The following ZNF462 variants were observed in gnomAD, a reference collection of about 807,000 sequenced individuals.
ZNF462 encodes zinc finger protein 462.
ZNF462 carries 10 observed loss-of-function variants against 201.9 expected under a neutral mutation model. The ratio of observed to expected loss-of-function variants is 0.05; its 90% CI spans 0.03 to 0.08. The LOEUF (loss-of-function observed/expected upper bound fraction) is 0.08. Among genes scored for constraint, ZNF462 ranks in the 10% least tolerant of loss-of-function variants. The pLI is 1.00. For synonymous variants in ZNF462, 1,227 were observed against 1,193.3 expected, an observed-to-expected ratio of 1.03 and a Z score of -0.58; for missense variants, 2,523 against 3,168.3, an observed-to-expected ratio of 0.80 and a Z score of 4.89.
chr9:106,981,995 G>A lies in ZNF462; in HGVS notation c.6833-2191G>A, dbSNP rs1245669649. Among the ~76,000 whole-genome samples, 1 of 152,188 alleles carries A rather than the reference G, an allele frequency of 6.6e-6. No individual in the cohort carries two copies. The highest frequency in any genetic ancestry group is 1.5e-5 in the Non-Finnish European group (1 of 68,028). ...ACTAAAATGTAGAGAGAGCAAGGGGGATGCAGTCCCAAGGAAGATGCCAGT... is the reference window on the plus strand; with the variant it reads ...ACTAAAATGTAGAGAGAGCAAGGGGAATGCAGTCCCAAGGAAGATGCCAGT... On this transcript the variant is annotated intron_variant, in intron 9 of 12. Transcript: ENST00000277225. This position sits in a 1 kb window ranked among gnomAD's most constrained non-coding sequence, Gnocchi z 4.0.
At chr9:106,862,600 T>A (rs909578162), upstream of ZNF462, among the ~76,000 whole-genome samples, 6 of 145,214 alleles carry the variant, frequency 4.1e-5, no homozygotes, top group African/African-American at 7.4e-5. The surrounding 1 kb of genome is among the most constrained non-coding windows in gnomAD (Gnocchi z 4.2). Context: ...CACCACCACC[T>A]CCTCCTCCTC....
chr9:106,864,084 C>G (rs1319054949), intron 1 of ZNF462, among the ~76,000 whole-genome samples: 1 of 138,536 alleles, frequency 7.2e-6, no homozygotes, highest in Non-Finnish European at 1.6e-5. Context: ...CTCTCTCTCT[C>G]TCTCTCTCTC....
upstream of ZNF462, chr9:106,863,157 A>T (rs1173345070): frequency 2.5e-6 from 1 of 398,860 alleles, no homozygotes; most frequent in African/African-American, 2.1e-5. Flanking sequence ...GGTCATCTGC[A>T]GCTGCAGCGA....
chr9:106,948,939 A>G (rs919903326), intron 7 of ZNF462, among the ~76,000 whole-genome samples: 2 of 152,170 alleles, frequency 1.3e-5, no homozygotes, highest in Admixed American at 6.5e-5. Context: ...TCAAAAATTC[A>G]TTAATTTTAT....
At chr9:106,983,910 T>G (rs1827631852) in intron 9 of ZNF462, among the ~76,000 whole-genome samples, 1 of 152,172 alleles carries the variant, frequency 6.6e-6, no homozygotes, top group African/African-American at 2.4e-5. Context: ...CATTCAGGAA[T>G]TAGCAAGCAC....
Position 106,923,720 on chromosome 9 carries a change from A to G in ZNF462, c.220+117A>G. On this transcript the variant is annotated intron_variant, in intron 2 of 12. Transcript: ENST00000277225. This position sits in a 1 kb window ranked among gnomAD's most constrained non-coding sequence, Gnocchi z 5.6. ...TTTGCAGAGTTTCTTGTGCTTTGCT[A>G]GCCATTTTTGTGGTTTGGGCATCAT... 9.4e-7 allele frequency: 1 copy of G among 1,062,868 alleles called. No individual in the cohort carries two copies. Among genetic ancestry groups the G allele is most frequent in the Non-Finnish European group, 1.4e-6 (1 of 736,704 alleles). 65.8% of individuals were successfully genotyped at this position (1,062,868 alleles called of 1,614,324 possible).
rs1213906484 is a variant in ZNF462 at position 106,886,649 on chromosome 9, A to G, written c.-31+23294A>G. 6.6e-6 allele frequency among the ~76,000 whole-genome samples: 1 copy of G among 152,186 alleles called. No individual in the cohort carries two copies. Among genetic ancestry groups the G allele is most frequent in the Non-Finnish European group, 1.5e-5 (1 of 68,046 alleles). The stretch of plus-strand genomic sequence containing the variant: ...GGAAATCATCCCACTTAACCCCTTC[A>G]TTTTACAGCTCTGGAAAGGCTGAAA... On this transcript the variant is annotated intron_variant, in intron 1 of 12. Transcript: ENST00000277225. The surrounding 1 kb of genome is among the most constrained non-coding windows in gnomAD (Gnocchi z 4.6).
chr9:106,863,609 GGAGGAGGAA>G (rs1273470466), intron 1 of ZNF462, among the ~76,000 whole-genome samples: 15 of 151,992 alleles, frequency 9.9e-5, no homozygotes, highest in Non-Finnish European at 1.6e-4. Flanking sequence ...AGGAAGAGGA[GGAGGAGGAA>G]GAGGAGGAGA....
At chr9:106,980,927 T>G (rs1395481362) in intron 9 of ZNF462, among the ~76,000 whole-genome samples, 1 of 152,212 alleles carries the variant, frequency 6.6e-6, no homozygotes, top group East Asian at 1.9e-4. Flanking sequence ...CAGAGCCCAG[T>G]CTATACCTGG....
rs191258272 is a variant in ZNF462 at position 106,991,528 on chromosome 9, A to G, written c.7056+7119A>G. The stretch of plus-strand genomic sequence containing the variant: ...TCCCAGTAGGCTTTTTGGGGGTAGA[A>G]AGTGACAAACTGGCCCTAAAATTTA... On this transcript the variant is annotated intron_variant, in intron 10 of 12. Transcript: ENST00000277225. Among the ~76,000 whole-genome samples the G allele has an allele frequency of 1.2e-3, 188 of 152,036 alleles. 2 individuals are homozygous for G. The highest frequency in any genetic ancestry group is 4.4e-3 in the African/African-American group (183 of 41,546).
rs755614092 is a variant in ZNF462 at position 106,929,183 on chromosome 9, C to T, written c.5271C>T (p.Ser1757=). 2.5e-5 allele frequency: 40 copies of T among 1,614,004 alleles called. No homozygotes were observed. The highest frequency in any genetic ancestry group is 3.2e-5 in the Non-Finnish European group (38 of 1,180,028). ...CCAAGGACGACTCCCCTCAGCTGAG[C>T]GAGGAACTCCGGCGGGCAGTGGAGA... ...SPPKDDSPQL[S]EELRRAVEKK... Residue 1757 remains serine, a synonymous_variant, in exon 3 of 13, where the codon AGC becomes AGT. Transcript: ENST00000277225. The surrounding 1 kb of genome is among the most constrained non-coding windows in gnomAD (Gnocchi z 8.7).
intron 1 of ZNF462, among the ~76,000 whole-genome samples, chr9:106,866,974 A>C (rs1041298961): frequency 2.0e-5 from 3 of 152,202 alleles, no homozygotes; most frequent in Admixed American, 2.0e-4. Flanking sequence ...GCAGGGGGGA[A>C]ACATCTGACA....
intron 1 of ZNF462, among the ~76,000 whole-genome samples, chr9:106,922,015 C>G (rs1435034400): frequency 3.9e-5 from 6 of 152,208 alleles, no homozygotes; most frequent in Non-Finnish European, 7.3e-5. Context: ...GTTATTTTAG[C>G]AGGCGATCAG....
At chr9:106,908,562 G>C (rs548058614) in intron 1 of ZNF462, among the ~76,000 whole-genome samples, 8 of 152,072 alleles carry the variant, frequency 5.3e-5, no homozygotes, top group African/African-American at 1.7e-4. Flanking sequence ...CTTACAGACA[G>C]AATCCAGTTA....
In ZNF462 at chr9:106,929,258, C is replaced by T. The variant is rs376882323; in HGVS notation, c.5346C>T (p.Ile1782=). The T allele has an allele frequency of 1.2e-5, 19 of 1,614,014 alleles. No individual in the cohort carries two copies. The highest frequency in any genetic ancestry group is 1.4e-5 in the Non-Finnish European group (17 of 1,180,020). The part of the protein sequence containing the change: ...CSFQSFSKKG[I]VSHYMKRHPG... ...TCCAGTCGTTCAGCAAGAAGGGCAT[C>T]GTGTCCCATTACATGAAACGCCACC... Residue 1782 remains isoleucine, a synonymous_variant, in exon 3 of 13, where the codon ATC becomes ATT. Coordinates refer to ENST00000277225, the MANE Select transcript of ZNF462 (RefSeq NM_021224.6). This position sits in a 1 kb window ranked among gnomAD's most constrained non-coding sequence, Gnocchi z 8.7.
intron 7 of ZNF462, among the ~76,000 whole-genome samples, chr9:106,953,490 TC>T (rs1179626351): frequency 6.6e-6 from 1 of 152,162 alleles, no homozygotes; most frequent in Non-Finnish European, 1.5e-5. Flanking sequence ...CTGACCTTCC[TC>T]CTGGGGAAAT....
At chr9:106,892,775 T>A (rs2131072087) in intron 1 of ZNF462, among the ~76,000 whole-genome samples, 1 of 152,232 alleles carries the variant, frequency 6.6e-6, no homozygotes, top group East Asian at 1.9e-4. Context: ...ATAGGCCTGT[T>A]TCCTCCGTCA....
In ZNF462 at chr9:107,008,979, T is replaced by C. The variant is rs1829757288; in HGVS notation, c.7190-566T>C. ...TTCTTCGCTTGCAGATCTCATTCAG[T>C]GCACATAACCGCCCTGTAAGGTATT... On this transcript the variant is annotated intron_variant, in intron 11 of 12. Coordinates refer to ENST00000277225, the MANE Select transcript of ZNF462 (RefSeq NM_021224.6). This position sits in a 1 kb window ranked among gnomAD's most constrained non-coding sequence, Gnocchi z 4.8. Among the ~76,000 whole-genome samples, 1 of 152,166 alleles carries C rather than the reference T, an allele frequency of 6.6e-6. No homozygotes were observed. Among genetic ancestry groups the C allele is most frequent in the Admixed American group, 6.5e-5 (1 of 15,284 alleles).
At chr9:106,915,639 A>G (rs1270774564) in intron 1 of ZNF462, among the ~76,000 whole-genome samples, 1 of 152,186 alleles carries the variant, frequency 6.6e-6, no homozygotes, top group Non-Finnish European at 1.5e-5. Context: ...TTAGTTTGAT[A>G]AGAGAGAAGG....
Sources: gnomAD v4.1 joint callset for allele counts (sites outside exome capture counted in the v4.1 genomes callset) on GRCh38, gnomAD v4.1.1 for gene constraint, Gnocchi (gnomAD v3.1) non-coding constraint, MANE v1.5 for transcripts, NCBI Gene and HGNC (gene_info 2026-07-23, HGNC 2026-07-21) for gene names.